SAE1: variants seen among roughly 807,000 people sequenced by gnomAD.
SAE1 encodes SUMO1 activating enzyme subunit 1.
A neutral mutation model predicts 40.6 loss-of-function variants in SAE1; 11 were observed. The observed-to-expected ratio is 0.27, with a 90% CI of 0.17 to 0.45. The LOEUF (loss-of-function observed/expected upper bound fraction) is 0.45, where lower values mean the gene tolerates loss of function less well. SAE1 is among the 20% of genes least tolerant of loss of function. The pLI, the probability that SAE1 is intolerant of heterozygous loss-of-function variation, is 1.00. For synonymous variants in SAE1, 155 were observed against 154.3 expected (o/e 1.00, Z -0.03); for missense variants, 373 against 427.3 (o/e 0.87, Z 1.12).
intron 7 of SAE1, among the ~76,000 whole-genome samples, chr19:47,201,594 C>T (rs1265199402): frequency 1.3e-5 from 2 of 151,056 alleles, no homozygotes; most frequent in Non-Finnish European, 2.9e-5. Flanking sequence ...CTGAACTATT[C>T]CTCCAATACG....
intron 6 of SAE1, among the ~76,000 whole-genome samples, chr19:47,188,133 G>C (rs2058555550): frequency 6.6e-6 from 1 of 152,018 alleles, no homozygotes; most frequent in Non-Finnish European, 1.5e-5. Context: ...TGGACAACTT[G>C]AGCTCAGGAG....
At chr19:47,160,335 C>T (rs551353862) in intron 5 of SAE1, among the ~76,000 whole-genome samples, 21 of 146,588 alleles carry the variant, frequency 1.4e-4, no homozygotes, top group Admixed American at 7.0e-5. Context: ...GATTCTCCTG[C>T]GTTAGCCTTC....
At chr19:47,145,058 A>G (rs992269044) in intron 2 of SAE1, among the ~76,000 whole-genome samples, 3 of 151,466 alleles carry the variant, frequency 2.0e-5, no homozygotes, top group African/African-American at 7.3e-5. Flanking sequence ...GCTGGAGTGC[A>G]ATGGCGTGAT....
chr19:47,147,608 AC>A lies in SAE1; in HGVS notation c.211-2593del, dbSNP rs1159139728. ...GCTAGGATTACAGGCGTGTGCCACC[AC>A]ACCCGGCTAATTTTTGTATTTTTAG... is the stretch of plus-strand genomic sequence containing the variant. On this transcript the variant is annotated intron_variant, in intron 2 of 8. Transcript: ENST00000270225. Among the ~76,000 whole-genome samples the A allele has an allele frequency of 6.0e-5, 9 of 150,630 alleles. No homozygotes were observed. In the East Asian group the frequency reaches 1.7e-3, roughly 29 times the overall value.
At chr19:47,164,722 C>T (rs1356562363) in intron 5 of SAE1, among the ~76,000 whole-genome samples, 1 of 139,476 alleles carries the variant, frequency 7.2e-6, no homozygotes, top group Non-Finnish European at 1.5e-5. Context: ...GATCTCAGCT[C>T]ACTGCAACCT....
At chr19:47,190,395 A>G (rs2058571336) in intron 6 of SAE1, among the ~76,000 whole-genome samples, 1 of 152,094 alleles carries the variant, frequency 6.6e-6, no homozygotes, top group Non-Finnish European at 1.5e-5. Flanking sequence ...AACAAAGGAG[A>G]ATTTAATAAG....
chr19:47,141,034 CAG>C (rs982857984), intron 1 of SAE1, among the ~76,000 whole-genome samples: 2 of 151,320 alleles, frequency 1.3e-5, no homozygotes, highest in Non-Finnish European at 2.9e-5. Flanking sequence ...TTTTTTTAAA[CAG>C]AGTCTCGCTG....
rs764068290 is a variant in SAE1, at chr19:47,197,392, TTATC to T, written c.878+16_878+19del. On this transcript the variant is annotated intron_variant, in intron 7 of 8. Coordinates refer to ENST00000270225, the MANE Select transcript of SAE1 (RefSeq NM_005500.3). ...GACTTTGTCAGGTTGGTGTCAGTATTTATCACTGTTTAGTCTGGACAGATAAAGT... is the reference window on the plus strand; with the variant it reads ...GACTTTGTCAGGTTGGTGTCAGTATTACTGTTTAGTCTGGACAGATAAAGT... The T allele has an allele frequency of 4.4e-6, 7 of 1,609,026 alleles. No homozygotes were observed. Among genetic ancestry groups the T allele is most frequent in the Non-Finnish European group, 5.1e-6 (6 of 1,177,814 alleles).
chr19:47,196,511 G>A (rs781691113), intron 6 of SAE1, among the ~76,000 whole-genome samples: 1 of 150,130 alleles, frequency 6.7e-6, no homozygotes, highest in East Asian at 2.0e-4. Context: ...CTACAGGCAC[G>A]TGTCACCACA....
intron 1 of SAE1, among the ~76,000 whole-genome samples, chr19:47,139,654 T>A (rs1182169468): frequency 6.7e-6 from 1 of 148,566 alleles, no homozygotes; most frequent in Non-Finnish European, 1.5e-5. Flanking sequence ...AGTGGCGCGA[T>A]CTCGGCTCAC....
intron 5 of SAE1, among the ~76,000 whole-genome samples, chr19:47,167,434 G>C (rs1049107720): frequency 6.6e-6 from 1 of 151,230 alleles, no homozygotes; most frequent in Non-Finnish European, 1.5e-5. Context: ...TAGAGACGGA[G>C]TTTCGCCATG....
At chr19:47,166,668 A>G (rs962006815) in intron 5 of SAE1, among the ~76,000 whole-genome samples, 8 of 152,118 alleles carry the variant, frequency 5.3e-5, no homozygotes, top group African/African-American at 1.7e-4. Context: ...AATTTTTGAA[A>G]CCTGCCTGGT....
At chr19:47,202,567 T>C (rs1600218562) in intron 7 of SAE1, among the ~76,000 whole-genome samples, 1 of 150,834 alleles carries the variant, frequency 6.6e-6, no homozygotes, top group African/African-American at 2.4e-5. Context: ...ATTACAGGCA[T>C]CAGCCACTGA....
intron 6 of SAE1, among the ~76,000 whole-genome samples, chr19:47,194,634 G>A (rs1007227498): frequency 5.9e-5 from 9 of 152,076 alleles, no homozygotes; most frequent in Non-Finnish European, 1.2e-4. Context: ...GAGACTGGCT[G>A]TGCCCTTTCC....
intron 5 of SAE1, among the ~76,000 whole-genome samples, chr19:47,156,413 A>G (rs889855586): frequency 9.9e-5 from 15 of 150,910 alleles, no homozygotes; most frequent in Non-Finnish European, 2.1e-4. Flanking sequence ...GGGGAGGCGG[A>G]TGTTGCAGTG....
chr19:47,202,007 A>G (rs2058658379), intron 7 of SAE1, among the ~76,000 whole-genome samples: 1 of 152,234 alleles, frequency 6.6e-6, no homozygotes, highest in African/African-American at 2.4e-5. Context: ...GATGAACAAA[A>G]TGGGAATGTG....
chr19:47,133,863 TTTG>T (rs1427152735), intron 1 of SAE1, among the ~76,000 whole-genome samples: 1 of 150,490 alleles, frequency 6.6e-6, no homozygotes, highest in Non-Finnish European at 1.5e-5. Context: ...GTTTTTTTTG[TTTG>T]TTTTTTTTTT....
chr19:47,175,107 ATTT>A (rs916783073), intron 6 of SAE1, among the ~76,000 whole-genome samples: 4 of 91,696 alleles, frequency 4.4e-5, no homozygotes, highest in Admixed American at 1.5e-4. Context: ...AGTGGCCTTG[ATTT>A]TTTTTTTTTT....
intron 6 of SAE1, among the ~76,000 whole-genome samples, chr19:47,188,799 C>T (rs571756395): frequency 1.3e-5 from 2 of 152,254 alleles, no homozygotes; most frequent in East Asian, 1.9e-4. Flanking sequence ...GGAAAGCTGT[C>T]CAGGCCAGGG....
Sources: allele counts gnomAD v4.1 joint callset (sites outside exome capture counted in the v4.1 genomes callset), GRCh38; gene constraint gnomAD v4.1.1; transcripts MANE v1.5; gene names NCBI Gene and HGNC (gene_info 2026-07-23, HGNC 2026-07-21).